CCDC12: variants seen among roughly 807,000 people sequenced by gnomAD.
The protein encoded by CCDC12 is coiled-coil domain-containing protein 12.
A neutral mutation model predicts 25.7 loss-of-function variants in CCDC12; 28 were observed. The observed-to-expected ratio is 1.09, with a 90% CI of 0.81 to 1.50. The LOEUF (loss-of-function observed/expected upper bound fraction) is 1.50, where lower values mean the gene tolerates loss of function less well. Ranked by LOEUF, CCDC12 falls within the 40% of genes most tolerant of loss-of-function variation. CCDC12 has a pLI of 0.00. For missense variants in CCDC12, 198 were observed against 210.0 expected, an observed-to-expected ratio of 0.94 and a Z score of 0.35; for synonymous variants, 75 against 87.7, an observed-to-expected ratio of 0.86 and a Z score of 0.81.
At chr3:46,957,960 T>TACACACACACACAC (rs367926661) in intron 1 of CCDC12, among the ~76,000 whole-genome samples, 3,400 of 64,604 alleles carry the variant, frequency 0.053, 79 homozygotes, top group Middle Eastern at 0.077. Context: ...AAAAAATAAA[T>TACACACACACACAC]ACACACACAC....
chr3:46,975,726 T>G (rs2034956376), intron 1 of CCDC12, among the ~76,000 whole-genome samples: 1 of 150,688 alleles, frequency 6.6e-6, no homozygotes, highest in Admixed American at 6.6e-5. Context: ...AGAGACAGAG[T>G]TTCACCGTGT....
chr3:46,944,218 C>T (rs895817837), intron 1 of CCDC12, among the ~76,000 whole-genome samples: 1 of 152,192 alleles, frequency 6.6e-6, no homozygotes, highest in Non-Finnish European at 1.5e-5. Flanking sequence ...GTCACAGAAC[C>T]CATCAGCGGT....
intron 1 of CCDC12, among the ~76,000 whole-genome samples, chr3:46,962,419 A>C (rs1470257883): frequency 1.4e-5 from 2 of 144,780 alleles, no homozygotes; most frequent in Non-Finnish European, 3.0e-5. Context: ...GGGTAACAAG[A>C]GCAAAACTCT....
In CCDC12 at chr3:46,976,642, G is replaced by C; in HGVS notation, c.91C>G (p.Arg31Gly). ...RLKALREKTG[R>G]KDKEDGEPKT... is the part of the protein sequence containing the mutation. ...CCTCACTCCACACTTCTCACCTTGC[G>C]CCCGGTTTTCTCCCGTAGGGCCTTC... The change falls in exon 1 of 7, where the codon CGC (arginine) becomes GGC (glycine). Residue 31 changes from arginine (R) to glycine (G), a missense_variant. Coordinates refer to ENST00000683445, the MANE Select transcript of CCDC12 (RefSeq NM_001277074.2). 6.2e-7 allele frequency: 1 copy of C among 1,610,576 alleles called. No individual in the cohort carries two copies. The highest frequency in any genetic ancestry group is 8.5e-7 in the Non-Finnish European group (1 of 1,178,474).
chr3:46,936,725 A>G (rs1285521192), intron 2 of CCDC12, among the ~76,000 whole-genome samples: 1 of 151,258 alleles, frequency 6.6e-6, no homozygotes, highest in Non-Finnish European at 1.5e-5. Context: ...ATTAAAGCAG[A>G]AAAAAAAAAT....
chr3:46,976,600 G>T, intron 1 of CCDC12, 37 bp downstream of exon 1: 1 of 1,591,194 alleles, frequency 6.3e-7, no homozygotes, highest in Non-Finnish European at 8.6e-7. Context: ...CCGAACGCTG[G>T]ACGCCTCAAC....
intron 1 of CCDC12, among the ~76,000 whole-genome samples, chr3:46,965,101 G>A (rs1025191331): frequency 2.0e-5 from 3 of 152,134 alleles, no homozygotes; most frequent in Admixed American, 6.6e-5. Context: ...GACACTGAGA[G>A]GGAAGCACAT....
intron 1 of CCDC12, among the ~76,000 whole-genome samples, chr3:46,970,610 C>T (rs754563500): frequency 3.3e-5 from 5 of 152,262 alleles, no homozygotes; most frequent in South Asian, 2.1e-4. Context: ...GACAGCCAGA[C>T]CTCAGCCCCA....
chr3:46,940,851 T>G, intron 2 of CCDC12, 147 bp downstream of exon 2: 1 of 706,612 alleles, frequency 1.4e-6, no homozygotes, highest in South Asian at 1.8e-5. Flanking sequence ...ATGTTGAGAT[T>G]TTAAGGTCTG....
chr3:46,976,964 A>G, upstream of CCDC12: 4 of 579,880 alleles, frequency 6.9e-6, no homozygotes, highest in South Asian at 5.2e-5. Context: ...CAGCAAAAAA[A>G]AAAAAGAAAA....
At chr3:46,925,679 G>T in intron 2 of CCDC12, 144 bp from the exon 3 acceptor site, 1 of 749,852 alleles carries the variant, frequency 1.3e-6, no homozygotes, top group Non-Finnish European at 2.1e-6. Flanking sequence ...GAGAAGCACA[G>T]AATGGAGTGT....
At position 46,976,693 on chromosome 3, in the gene CCDC12, C is replaced by A. The variant is rs745879535; in HGVS notation, c.40G>T (p.Glu14Ter). ...AGCCGTTCCTTTCGCCGCAACGCCTCTTCCTCTAGCCGGCCCACACCAGCC... is the reference window on the plus strand; with the variant it reads ...AGCCGTTCCTTTCGCCGCAACGCCTATTCCTCTAGCCGGCCCACACCAGCC... The part of the protein sequence containing the change: ...TTAGVGRLEE[E>*]ALRRKERLKA... The change falls in exon 1 of 7, where the codon GAG becomes TAG. Residue 14 changes from glutamate (E) to a stop codon, truncating the protein, a stop_gained. Coordinates refer to ENST00000683445, the MANE Select transcript of CCDC12 (RefSeq NM_001277074.2). LOFTEE classifies it high-confidence loss of function. 1 of 1,606,418 alleles carries A rather than the reference C, an allele frequency of 6.2e-7. No individual in the cohort carries two copies. Among genetic ancestry groups the A allele is most frequent in the African/African-American group, 1.3e-5 (1 of 74,756 alleles).
chr3:46,938,518 GT>G lies in CCDC12; in HGVS notation c.164+2479del, dbSNP rs66474878. On this transcript the variant is annotated intron_variant, in intron 2 of 6. Transcript: ENST00000683445. Reference sequence around the variant, plus strand: ...TTCCAGACAGGTTTGTTCCCCTCCTGTTTTTTTTTTTTTTTTTTTTTTTTTG... The same window carrying G: ...TTCCAGACAGGTTTGTTCCCCTCCTGTTTTTTTTTTTTTTTTTTTTTTTTG... Among the ~76,000 whole-genome samples the G allele has an allele frequency of 9.1e-3, 834 of 91,382 alleles. 3 individuals are homozygous for G. Among genetic ancestry groups the G allele is most frequent in the African/African-American group, 0.025 (598 of 23,852 alleles). 60.0% of individuals were successfully genotyped at this position (91,382 alleles called of 152,430 possible).
intron 5 of CCDC12, 118 bp from the exon 6 acceptor site, chr3:46,922,430 C>T: frequency 1.8e-6 from 2 of 1,112,270 alleles, no homozygotes; most frequent in Non-Finnish European, 2.7e-6. Flanking sequence ...CTGGAGGGGG[C>T]TGCCCTGGGG....
chr3:46,966,170 A>C (rs941423805), intron 1 of CCDC12: 20 of 152,586 alleles, frequency 1.3e-4, no homozygotes, highest in African/African-American at 4.8e-4. Context: ...GGGGGAGTGT[A>C]CATTTACGGC....
At chr3:46,945,869 TTTTC>T (rs1487367382) in intron 1 of CCDC12, among the ~76,000 whole-genome samples, 1 of 152,188 alleles carries the variant, frequency 6.6e-6, no homozygotes, top group South Asian at 2.1e-4. Flanking sequence ...TTTGTGTCAT[TTTTC>T]TTTATCAGAC....
intron 3 of CCDC12, 116 bp downstream of exon 3, chr3:46,925,340 T>C (rs1272958081): frequency 1.2e-6 from 1 of 862,934 alleles, no homozygotes; most frequent in Admixed American, 2.0e-5. Context: ...GGGTCCTGCC[T>C]GCAGGCCCAA....
intron 1 of CCDC12, among the ~76,000 whole-genome samples, chr3:46,969,496 G>A (rs1240317726): frequency 6.6e-6 from 1 of 152,144 alleles, no homozygotes; most frequent in African/African-American, 2.4e-5. Context: ...GCCTCCCAAA[G>A]TACTGGGATT....
At chr3:46,964,330 T>TG (rs71619668) in intron 1 of CCDC12, among the ~76,000 whole-genome samples, 2 of 135,022 alleles carry the variant, frequency 1.5e-5, no homozygotes, top group Admixed American at 7.3e-5. Context: ...GGGAGGGAGG[T>TG]GGGGGGTCAG....
Sources: gnomAD v4.1 joint callset for allele counts (sites outside exome capture counted in the v4.1 genomes callset) on GRCh38, gnomAD v4.1.1 for gene constraint, MANE v1.5 for transcripts, NCBI Gene and HGNC (gene_info 2026-07-23, HGNC 2026-07-21) for gene names.